The following RUNDC3B variants were observed in gnomAD, a reference collection of about 807,000 sequenced individuals.
RUNDC3B encodes RUN domain containing 3B, also known as RUN domain-containing protein 3B.
RUNDC3B carries 33 observed loss-of-function variants against 58.4 expected under a neutral mutation model. The observed-to-expected ratio is 0.56, with a 90% confidence interval of 0.43 to 0.75. The LOEUF is 0.75. RUNDC3B is among the 30% of genes least tolerant of loss of function. The pLI, the probability that RUNDC3B is intolerant of heterozygous loss-of-function variation, is 0.00. For missense variants in RUNDC3B, 501 were observed against 535.7 expected, an observed-to-expected ratio of 0.94 and a Z score of 0.64; for synonymous variants, 193 against 195.2, an observed-to-expected ratio of 0.99 and a Z score of 0.10.
intron 10 of RUNDC3B, 51 bp from the exon 11 acceptor site, chr7:87,829,834 T>C (rs2130984413): frequency 1.5e-6 from 2 of 1,311,524 alleles, no homozygotes; most frequent in Non-Finnish European, 2.1e-6. Context: ...ATCTTATTTG[T>C]ATCATTCTTG....
chr7:87,659,535 A>G (rs552640457), intron 2 of RUNDC3B, among the ~76,000 whole-genome samples: 1 of 152,258 alleles, frequency 6.6e-6, no homozygotes, highest in African/African-American at 2.4e-5. Flanking sequence ...CTACATACAT[A>G]TAGGACCACA....
chr7:87,737,935 T>C (rs1832081050), intron 4 of RUNDC3B, among the ~76,000 whole-genome samples: 1 of 152,112 alleles, frequency 6.6e-6, no homozygotes, highest in South Asian at 2.1e-4. Context: ...TTTTAAAAAA[T>C]TTCTCAAACC....
intron 6 of RUNDC3B, among the ~76,000 whole-genome samples, chr7:87,751,154 T>G (rs1350954486): frequency 1.2e-4 from 19 of 152,072 alleles, no homozygotes; most frequent in Middle Eastern, 6.8e-3. Flanking sequence ...CCCCATTGCT[T>G]GTTTTTCTCA....
rs572398247 is a variant in RUNDC3B, at chr7:87,631,574, T to C, written c.122+2629T>C. On this transcript the variant is annotated intron_variant, in intron 1 of 10. Transcript: ENST00000394654. Reference sequence around the variant, plus strand: ...CCCGGCTAATTTTTTGTGTTTTGTTTAGTAGAGACGGGGTTTCACCGTATT... The same window carrying C: ...CCCGGCTAATTTTTTGTGTTTTGTTCAGTAGAGACGGGGTTTCACCGTATT... Among the ~76,000 whole-genome samples, 49 of 152,250 alleles carry C rather than the reference T, an allele frequency of 3.2e-4. No homozygotes were observed. The South Asian group carries it at 8.9e-3, about 28-fold the overall frequency.
chr7:87,770,890 T>C (rs1332666851), intron 7 of RUNDC3B, 141 bp downstream of exon 7: 19 of 551,114 alleles, frequency 3.4e-5, no homozygotes, highest in Non-Finnish European at 5.5e-5. Flanking sequence ...CTCCTCTTAA[T>C]GAAAAATCAG....
At chr7:87,813,737 T>C (rs967246637) in intron 9 of RUNDC3B, among the ~76,000 whole-genome samples, 1 of 152,052 alleles carries the variant, frequency 6.6e-6, no homozygotes, top group African/African-American at 2.4e-5. Flanking sequence ...CCCAGCACTT[T>C]GAGAGGCCGA....
intron 1 of RUNDC3B, among the ~76,000 whole-genome samples, chr7:87,639,204 AG>A (rs1822183728): frequency 6.6e-6 from 1 of 151,986 alleles, no homozygotes; most frequent in Non-Finnish European, 1.5e-5. Context: ...AAACAGTTGA[AG>A]GTTTTTTAGT....
At chr7:87,783,854 T>G (rs1487584711) in intron 8 of RUNDC3B, among the ~76,000 whole-genome samples, 2 of 152,206 alleles carry the variant, frequency 1.3e-5, no homozygotes, top group Non-Finnish European at 2.9e-5. Context: ...GTGTATAGTT[T>G]CTGTTGGGAA....
intron 6 of RUNDC3B, among the ~76,000 whole-genome samples, chr7:87,747,946 C>T (rs894851804): frequency 5.3e-5 from 8 of 152,146 alleles, no homozygotes; most frequent in Admixed American, 3.9e-4. Context: ...TTCTCCCCTG[C>T]CTGTGGAGTC....
rs71117546 is a variant in RUNDC3B, at chr7:87,628,584, C to CGT, written c.-200_-199dup. ...CGAGGGCGGAGGTGGTGCGTGCGTG[C>CGT]GTGTGTGTGTGTGTGTGTGTGTGTG... On this transcript the variant is annotated 5_prime_UTR_variant, in exon 1 of 11. Transcript: ENST00000394654. The CGT allele has an allele frequency of 0.026, 7,670 of 290,030 alleles. 79 individuals carry two copies. The highest frequency in any genetic ancestry group is 0.038 in the Admixed American group (712 of 18,842). 18.0% of individuals were successfully genotyped at this position (290,030 alleles called of 1,614,324 possible).
At chr7:87,719,816 T>TA (rs1830761012) in intron 4 of RUNDC3B, among the ~76,000 whole-genome samples, 1 of 151,620 alleles carries the variant, frequency 6.6e-6, no homozygotes. Context: ...TCACATTATA[T>TA]AAAATAATAA....
chr7:87,755,420 C>G (rs1054577385), intron 6 of RUNDC3B, among the ~76,000 whole-genome samples: 2 of 152,092 alleles, frequency 1.3e-5, no homozygotes, highest in Non-Finnish European at 2.9e-5. Flanking sequence ...ATACCAAAAC[C>G]TGGCAGAGAT....
Position 87,628,614 on chromosome 7 carries a change from TG to T in RUNDC3B, c.-209del, listed in dbSNP as rs1563084318. On this transcript the variant is annotated 5_prime_UTR_variant, in exon 1 of 11. Transcript: ENST00000394654. ...GTGTGTGTGTGTGTGTGTGTGTGTG[TG>T]TGTGTGTGTGGAGCTCGGGTGCCAA... 2.8e-5 allele frequency: 10 copies of T among 358,362 alleles called. No homozygotes were observed. Among genetic ancestry groups the T allele is most frequent in the African/African-American group, 1.9e-4 (9 of 47,192 alleles). 22.2% of individuals were successfully genotyped at this position (358,362 alleles called of 1,614,324 possible).
intron 2 of RUNDC3B, among the ~76,000 whole-genome samples, chr7:87,688,385 T>C (rs1827683265): frequency 6.6e-6 from 1 of 151,892 alleles, no homozygotes; most frequent in Admixed American, 6.6e-5. Context: ...AATATATACA[T>C]ATATATACAC....
At chr7:87,817,714 G>A (rs572204505) in intron 10 of RUNDC3B, among the ~76,000 whole-genome samples, 9 of 152,102 alleles carry the variant, frequency 5.9e-5, no homozygotes, top group Non-Finnish European at 1.2e-4. Context: ...CCCAGCCCAT[G>A]CCAGGCATGC....
chr7:87,792,858 TAAATG>T (rs1416721905), intron 8 of RUNDC3B, among the ~76,000 whole-genome samples: 3 of 151,770 alleles, frequency 2.0e-5, no homozygotes, highest in Non-Finnish European at 4.4e-5. Context: ...AAGTGCAGAA[TAAATG>T]AAATTGAAAT....
At chr7:87,684,746 C>CAAAAAAAAAAAAAAAAAAAAAA (rs71524694) in intron 2 of RUNDC3B, among the ~76,000 whole-genome samples, 3 of 37,784 alleles carry the variant, frequency 7.9e-5, no homozygotes, top group East Asian at 8.4e-4. Flanking sequence ...GACTCCGTCT[C>CAAAAAAAAAAAAAAAAAAAAAA]AAAAAAAAAA....
rs550910479 is a variant in RUNDC3B, at chr7:87,791,427, G to T, written c.956+13472G>T. Among the ~76,000 whole-genome samples, 9 of 152,118 alleles carry T rather than the reference G, an allele frequency of 5.9e-5. 1 individual carries two copies. In the East Asian group the frequency reaches 1.5e-3, roughly 26 times the overall value. The stretch of plus-strand genomic sequence containing the variant: ...CACTGGTAATAGCCACAGAAAAACA[G>T]ACTATTATAGTACTATAACTGTGGT... On this transcript the variant is annotated intron_variant, in intron 8 of 10. Transcript: ENST00000394654.
intron 4 of RUNDC3B, among the ~76,000 whole-genome samples, chr7:87,718,231 G>A (rs1215575984): frequency 3.9e-5 from 6 of 152,046 alleles, no homozygotes; most frequent in Admixed American, 3.3e-4. Flanking sequence ...GAATCATATG[G>A]GCTGTGCTTA....
Sources: gnomAD v4.1 joint callset for allele counts (sites outside exome capture counted in the v4.1 genomes callset) on GRCh38, gnomAD v4.1.1 for gene constraint, MANE v1.5 for transcripts, NCBI Gene and HGNC (gene_info 2026-07-23, HGNC 2026-07-21) for gene names.